The following ABL2 variants were observed in gnomAD, a reference collection of about 807,000 sequenced individuals.
ABL2 encodes tyrosine-protein kinase ABL2.
A neutral mutation model predicts 107.7 loss-of-function variants in ABL2; 49 were observed. The observed-to-expected ratio is 0.45, with a 90% CI of 0.36 to 0.58. ABL2 has a LOEUF of 0.58. ABL2 is among the 20% of genes least tolerant of loss of function. The pLI, the probability that ABL2 is intolerant of heterozygous loss-of-function variation, is 0.00. For synonymous variants in ABL2, 549 were observed against 548.6 expected (o/e 1.00, Z -0.01); for missense variants, 1,245 against 1,457.0 (o/e 0.85, Z 2.37).
chr1:179,110,762 T>C lies in ABL2; in HGVS notation c.1652-307A>G, dbSNP rs371594116. ...TAGGTTGTTTCCAGTTTGGAGTTAC[T>C]ATGAATACGTTGCTAGCATCATCCT... On this transcript the variant is annotated intron_variant, in intron 10 of 11. Coordinates refer to ENST00000502732, the MANE Select transcript of ABL2 (RefSeq NM_007314.4). 175 of 1,613,858 alleles carry C rather than the reference T, an allele frequency of 1.1e-4. No homozygotes were observed. In the Middle Eastern group the frequency reaches 1.5e-3, roughly 14 times the overall value.
intron 1 of ABL2, among the ~76,000 whole-genome samples, chr1:179,227,382 AG>A (rs1482568158): frequency 2.0e-5 from 3 of 152,170 alleles, no homozygotes; most frequent in Non-Finnish European, 4.4e-5. Flanking sequence ...TCTCCTCACT[AG>A]CCCATCAACA....
At chr1:179,159,503 T>G (rs532110638) in intron 1 of ABL2, among the ~76,000 whole-genome samples, 5 of 152,320 alleles carry the variant, frequency 3.3e-5, no homozygotes, top group Admixed American at 2.0e-4. Context: ...GACCATGAAT[T>G]TAAGAGATAC....
In ABL2 at chr1:179,109,385, T is replaced by G. The variant is rs1207607331; in HGVS notation, c.1882A>C (p.Arg628=). ...AAGAGGCTGCTGGGTGACTTGTCTCTTTGCTTTCGAGGCAGTGCTGGGGAT... is the reference window on the plus strand; with the variant it reads ...AAGAGGCTGCTGGGTGACTTGTCTCGTTGCTTTCGAGGCAGTGCTGGGGAT... ...SGSPALPRKQ[R]DKSPSSLLED... is the part of the protein sequence containing the mutation. The change falls in exon 12 of 12, where the codon AGA becomes CGA. Residue 628 remains arginine, a synonymous_variant. Transcript: ENST00000502732. 6.2e-7 allele frequency: 1 copy of G among 1,614,088 alleles called. No individual in the cohort carries two copies. The highest frequency in any genetic ancestry group is 1.7e-5 in the Admixed American group (1 of 60,004).
chr1:179,220,820 G>C (rs529204783), intron 1 of ABL2: 9 of 156,058 alleles, frequency 5.8e-5, no homozygotes, highest in Non-Finnish European at 8.6e-5. Context: ...CTTGCAGTTC[G>C]CAAGCTTCTG....
intron 1 of ABL2, among the ~76,000 whole-genome samples, chr1:179,182,626 T>C (rs1221383976): frequency 6.6e-6 from 1 of 152,258 alleles, no homozygotes; most frequent in African/African-American, 2.4e-5. Context: ...AGCTGAATAG[T>C]ATTCCATTGT....
chr1:179,143,834 T>C (rs1485131719), intron 1 of ABL2, among the ~76,000 whole-genome samples: 1 of 152,118 alleles, frequency 6.6e-6, no homozygotes, highest in Non-Finnish European at 1.5e-5. Context: ...GTGACTGCGA[T>C]TACAGGCGCC....
intron 1 of ABL2, among the ~76,000 whole-genome samples, chr1:179,189,152 TGA>T (rs1660856204): frequency 6.6e-6 from 1 of 152,220 alleles, no homozygotes; most frequent in Admixed American, 6.5e-5. Context: ...GTTGTTGTTT[TGA>T]GACAGAGTTT....
chr1:179,146,620 G>A (rs1013693431), intron 1 of ABL2, among the ~76,000 whole-genome samples: 1 of 152,066 alleles, frequency 6.6e-6, no homozygotes, highest in Non-Finnish European at 1.5e-5. Context: ...TCAAGGGCAG[G>A]ATCAGGCGGA....
chr1:179,221,884 G>A (rs1225882387), intron 1 of ABL2: 1 of 232,942 alleles, frequency 4.3e-6, no homozygotes, highest in Non-Finnish European at 9.6e-6. Flanking sequence ...AATGCCCAAA[G>A]ATTTGGTGCC....
At chr1:179,184,899 C>A (rs1341214746) in intron 1 of ABL2, among the ~76,000 whole-genome samples, 1 of 152,064 alleles carries the variant, frequency 6.6e-6, no homozygotes, top group East Asian at 1.9e-4. Flanking sequence ...CCTTTCTGTT[C>A]CAAATTCATT....
At chr1:179,155,645 C>T (rs540358871) in intron 1 of ABL2, among the ~76,000 whole-genome samples, 1 of 151,448 alleles carries the variant, frequency 6.6e-6, no homozygotes, top group Non-Finnish European at 1.5e-5. Flanking sequence ...GCACAAGAAT[C>T]GCTTGAACCT....
At chr1:179,173,522 C>CCAGCTAACT (rs112769145) in intron 1 of ABL2, among the ~76,000 whole-genome samples, 1 of 151,654 alleles carries the variant, frequency 6.6e-6, no homozygotes, top group Admixed American at 6.6e-5. Context: ...GCCGCCACGC[C>CCAGCTAACT]TGTATTTTTG....
chr1:179,164,547 A>C (rs891768314), intron 1 of ABL2, among the ~76,000 whole-genome samples: 12 of 152,160 alleles, frequency 7.9e-5, no homozygotes, highest in African/African-American at 9.7e-5. Context: ...CTAAGGGATG[A>C]AAGGAATGTG....
chr1:179,146,919 C>T (rs1201872866), intron 1 of ABL2, among the ~76,000 whole-genome samples: 1 of 152,050 alleles, frequency 6.6e-6, no homozygotes, highest in Non-Finnish European at 1.5e-5. Flanking sequence ...TACCTAAAGA[C>T]AGGATACAAA....
chr1:179,162,214 A>T (rs188318092), intron 1 of ABL2, among the ~76,000 whole-genome samples: 1 of 152,322 alleles, frequency 6.6e-6, no homozygotes, highest in South Asian at 2.1e-4. Flanking sequence ...TAAGATTGGA[A>T]AATGCTGAAT....
At chr1:179,198,744 C>T (rs894262909) in intron 1 of ABL2, among the ~76,000 whole-genome samples, 18 of 146,816 alleles carry the variant, frequency 1.2e-4, no homozygotes, top group African/African-American at 4.5e-4. Flanking sequence ...GAATCACACA[C>T]AATTCTGTTT....
chr1:179,174,936 A>AATT (rs1659963380), intron 1 of ABL2, among the ~76,000 whole-genome samples: 1 of 149,228 alleles, frequency 6.7e-6, no homozygotes, highest in Non-Finnish European at 1.5e-5. Flanking sequence ...TAATAATAAT[A>AATT]ATAATAATTC....
At chr1:179,217,669 A>G (rs1470266526) in intron 1 of ABL2, among the ~76,000 whole-genome samples, 1 of 152,058 alleles carries the variant, frequency 6.6e-6, no homozygotes, top group Admixed American at 6.6e-5. Context: ...CACTAAGCCT[A>G]AAGATTAAGA....
At chr1:179,131,683 C>T (rs892782680) in intron 2 of ABL2, among the ~76,000 whole-genome samples, 1 of 152,116 alleles carries the variant, frequency 6.6e-6, no homozygotes, top group African/African-American at 2.4e-5. Context: ...AAATGTAAAA[C>T]AAGGTAGTCA....
Sources: allele counts gnomAD v4.1 joint callset (sites outside exome capture counted in the v4.1 genomes callset), GRCh38; gene constraint gnomAD v4.1.1; transcripts MANE v1.5; gene names NCBI Gene and HGNC (gene_info 2026-07-23, HGNC 2026-07-21).